The following EPB41 variants were observed in gnomAD, a reference collection of about 807,000 sequenced individuals.
EPB41 encodes the protein protein 4.1.
A neutral mutation model predicts 108.0 loss-of-function variants in EPB41; 65 were observed. That is an observed-to-expected ratio of 0.60 (90% CI 0.49 to 0.74). The LOEUF (loss-of-function observed/expected upper bound fraction) is 0.74, where lower values mean the gene tolerates loss of function less well. EPB41 is among the 30% of genes least tolerant of loss of function. The pLI is 0.00. For missense variants in EPB41, 875 were observed against 1,037.0 expected, an observed-to-expected ratio of 0.84 and a Z score of 2.15; for synonymous variants, 336 against 358.9, an observed-to-expected ratio of 0.94 and a Z score of 0.72.
chr1:28,926,877 G>A (rs940500103), intron 1 of EPB41, among the ~76,000 whole-genome samples: 3 of 152,176 alleles, frequency 2.0e-5, no homozygotes, highest in Admixed American at 1.3e-4. Flanking sequence ...TAATATAGCT[G>A]CACCTGGTTT....
intron 1 of EPB41, among the ~76,000 whole-genome samples, chr1:28,907,612 G>A (rs1256689006): frequency 2.0e-5 from 3 of 151,954 alleles, no homozygotes; most frequent in African/African-American, 4.8e-5. Flanking sequence ...ACTGTGCCTG[G>A]CCTTTTTTTT....
chr1:29,056,405 T>C lies in EPB41; in HGVS notation c.1846-2184T>C, dbSNP rs1645457960. Among the ~76,000 whole-genome samples, 4 of 152,194 alleles carry C rather than the reference T, an allele frequency of 2.6e-5. No individual in the cohort carries two copies. The South Asian group carries it at 8.3e-4, about 32-fold the overall frequency. On this transcript the variant is annotated intron_variant, in intron 12 of 20. Transcript: ENST00000343067. ...GTTTGGTGCCAGATAGAGATAGCTT[T>C]TTGTTGGCATTTTAATGAGATATAT... is the stretch of plus-strand genomic sequence containing the variant.
chr1:29,033,458 T>C (rs1638234450), intron 9 of EPB41, among the ~76,000 whole-genome samples: 1 of 152,194 alleles, frequency 6.6e-6, no homozygotes, highest in Non-Finnish European at 1.5e-5. Flanking sequence ...TGTAAGTAAA[T>C]ATACCATTGC....
At chr1:29,054,920 C>G (rs1645116773) in intron 12 of EPB41, among the ~76,000 whole-genome samples, 1 of 152,184 alleles carries the variant, frequency 6.6e-6, no homozygotes, top group Non-Finnish European at 1.5e-5. Context: ...TGCCTGTAAT[C>G]CCAGCTACTG....
At chr1:29,096,671 G>A in intron 16 of EPB41, 1 of 878,596 alleles carries the variant, frequency 1.1e-6, no homozygotes, top group Non-Finnish European at 1.4e-6. Flanking sequence ...TCTGTCCTGT[G>A]GAGGAGGTGG....
chr1:29,111,730 G>C (rs779906596), intron 18 of EPB41, among the ~76,000 whole-genome samples: 14 of 152,142 alleles, frequency 9.2e-5, no homozygotes, highest in Non-Finnish European at 1.8e-4. Context: ...TGTAATCCAA[G>C]CACTTTGGGA....
chr1:29,022,123 GTGGTTAT>G (rs1158793893), intron 7 of EPB41, among the ~76,000 whole-genome samples: 2 of 152,166 alleles, frequency 1.3e-5, no homozygotes, highest in South Asian at 4.1e-4. Flanking sequence ...GCTAAGGTCA[GTGGTTAT>G]TTTAATGAAT....
chr1:28,966,475 A>G (rs2095359391), intron 1 of EPB41, among the ~76,000 whole-genome samples: 1 of 152,224 alleles, frequency 6.6e-6, no homozygotes, highest in Non-Finnish European at 1.5e-5. Flanking sequence ...GGATGAAACA[A>G]TGAACAAAAC....
chr1:28,903,326 C>T (rs203284), intron 1 of EPB41, among the ~76,000 whole-genome samples: 16,455 of 136,730 alleles, frequency 0.12, 1,365 homozygotes, highest in African/African-American at 0.24. Context: ...TCTTTTCTTT[C>T]TTTTTTTTTT....
chr1:29,116,504 C>A (rs1487870228), intron 20 of EPB41, among the ~76,000 whole-genome samples: 1 of 152,204 alleles, frequency 6.6e-6, no homozygotes, highest in Admixed American at 6.6e-5. Flanking sequence ...GGAGAAAAAA[C>A]CAAGAAGAGC....
Position 28,887,408 on chromosome 1 carries a change from T to C in EPB41, c.-8+198T>C, listed in dbSNP as rs969899356. ...CCAAAGGAGTCTGGGCATCTTAAAG[T>C]TCAGGGTGCAGGGAGGGGCGTGGGA... On this transcript the variant is annotated intron_variant, in intron 1 of 16. Coordinates refer to the EPB41 transcript ENST00000347529. This position sits in a 1 kb window ranked among gnomAD's most constrained non-coding sequence, Gnocchi z 4.9. The C allele has an allele frequency of 2.0e-6, 2 of 985,162 alleles. No individual in the cohort carries two copies. Among genetic ancestry groups the C allele is most frequent in the African/African-American group, 3.5e-5 (2 of 57,188 alleles). 61.0% of individuals were successfully genotyped at this position (985,162 alleles called of 1,614,324 possible). A position where few individuals can be genotyped will look rare whatever the true frequency, so the allele number is the denominator to read the frequency against.
rs1350026229 is a variant in EPB41 at position 29,115,566 on chromosome 1, T to C, written c.2497-133T>C. ...TGGGTAAGGTAATTATCAGCTTGGC[T>C]TAGCCTAAAGCTGCCCTGGTACTGC... On this transcript the variant is annotated intron_variant, in intron 19 of 20. Transcript: ENST00000343067. This position sits in a 1 kb window ranked among gnomAD's most constrained non-coding sequence, Gnocchi z 4.4. 1 of 762,868 alleles carries C rather than the reference T, an allele frequency of 1.3e-6. No homozygotes were observed. The highest frequency in any genetic ancestry group is 2.2e-6 in the Non-Finnish European group (1 of 444,702). 47.3% of individuals were successfully genotyped at this position (762,868 alleles called of 1,614,324 possible).
chr1:28,905,123 C>T lies in EPB41; in HGVS notation c.-8+17913C>T, dbSNP rs190346108. ...CTGAGGCATGAGACTAGCTAGAACCCGGGAGATGGAGGTTGCAGTGAGGCG... is the reference window on the plus strand; with the variant it reads ...CTGAGGCATGAGACTAGCTAGAACCTGGGAGATGGAGGTTGCAGTGAGGCG... On this transcript the variant is annotated intron_variant, in intron 1 of 16. Coordinates refer to the EPB41 transcript ENST00000347529. 4.0e-3 allele frequency among the ~76,000 whole-genome samples: 611 copies of T among 151,310 alleles called. 7 individuals are homozygous for T. Among genetic ancestry groups the T allele is most frequent in the African/African-American group, 0.013 (523 of 41,162 alleles).
intron 16 of EPB41, among the ~76,000 whole-genome samples, chr1:29,095,817 G>A (rs1390247789): frequency 6.6e-6 from 1 of 151,958 alleles, no homozygotes; most frequent in Admixed American, 6.6e-5. Flanking sequence ...AAATTGCATT[G>A]TGTCCTGTGC....
chr1:28,888,846 C>G (rs2089774550), intron 1 of EPB41, among the ~76,000 whole-genome samples: 1 of 152,172 alleles, frequency 6.6e-6, no homozygotes, highest in Non-Finnish European at 1.5e-5. Context: ...CCAGGATGGT[C>G]TCGATCTCCT....
At chr1:29,116,135 C>T (rs1427429412) in intron 20 of EPB41, among the ~76,000 whole-genome samples, 1 of 146,016 alleles carries the variant, frequency 6.8e-6, no homozygotes, top group Non-Finnish European at 1.5e-5. Context: ...CTGCTTGCTG[C>T]TGTCACAGGT....
rs578251845 is a variant in EPB41, at chr1:28,928,222, T to A, written c.-8+13454T>A. Among the ~76,000 whole-genome samples, 13 of 152,200 alleles carry A rather than the reference T, an allele frequency of 8.5e-5. No homozygotes were observed. In the East Asian group the frequency reaches 1.3e-3, roughly 16 times the overall value. On this transcript the variant is annotated intron_variant, in intron 1 of 20. Transcript: ENST00000343067. The stretch of plus-strand genomic sequence containing the variant: ...TCCCTTACTTGACCCACAACACATA[T>A]GTTTTCTAGTGGCAGAAGCCATCTT...
intron 4 of EPB41, among the ~76,000 whole-genome samples, chr1:28,999,230 C>T (rs923776723): frequency 2.0e-5 from 3 of 152,144 alleles, no homozygotes; most frequent in Admixed American, 2.0e-4. Flanking sequence ...ATTAGCCAGG[C>T]ATGGTGGCGG....
chr1:29,050,556 T>C (rs941692317), intron 11 of EPB41, among the ~76,000 whole-genome samples: 1 of 152,264 alleles, frequency 6.6e-6, no homozygotes, highest in Non-Finnish European at 1.5e-5. Context: ...TCTGCCACTC[T>C]TGCAGTGACT....
Sources: allele counts gnomAD v4.1 joint callset (sites outside exome capture counted in the v4.1 genomes callset), GRCh38; gene constraint gnomAD v4.1.1; non-coding constraint Gnocchi (gnomAD v3.1); transcripts MANE v1.5; gene names NCBI Gene and HGNC (gene_info 2026-07-23, HGNC 2026-07-21).